The following IPO11 variants were observed in gnomAD, a reference collection of about 807,000 sequenced individuals.
The protein encoded by IPO11 is importin-11.
A neutral mutation model predicts 143.2 loss-of-function variants in IPO11; 66 were observed. The observed-to-expected ratio is 0.46, with a 90% CI of 0.38 to 0.57. The LOEUF is 0.57. Ranked by LOEUF, IPO11 falls within the 20% of genes least tolerant of loss-of-function variation. IPO11 has a pLI of 0.00. For missense variants in IPO11, 1,026 were observed against 1,141.0 expected, an observed-to-expected ratio of 0.90 and a Z score of 1.45; for synonymous variants, 385 against 377.8, an observed-to-expected ratio of 1.02 and a Z score of -0.22.
intron 27 of IPO11, chr5:62,578,691 TC>T (rs1461355286): frequency 2.1e-6 from 1 of 468,432 alleles, no homozygotes; most frequent in Non-Finnish European, 4.4e-6. Flanking sequence ...TAAAATTACT[TC>T]CTGTCTCTTA....
intron 5 of IPO11, among the ~76,000 whole-genome samples, chr5:62,455,763 T>G (rs1745123221): frequency 6.6e-6 from 1 of 151,954 alleles, no homozygotes; most frequent in African/African-American, 2.4e-5. Flanking sequence ...GAATTCTTTT[T>G]TTTTTTTGAG....
chr5:62,557,240 A>G (rs761766142), intron 26 of IPO11, among the ~76,000 whole-genome samples: 2 of 151,890 alleles, frequency 1.3e-5, no homozygotes, highest in Non-Finnish European at 2.9e-5. Flanking sequence ...CTGGAGTGCA[A>G]TGGCGCGATC....
chr5:62,587,736 CTGGTACA>C (rs140173947), intron 27 of IPO11, among the ~76,000 whole-genome samples: 2,457 of 152,236 alleles, frequency 0.016, 29 homozygotes, highest in African/African-American at 0.036. Context: ...AAGTAGTGCT[CTGGTACA>C]TGTGGCAGGC....
At chr5:62,441,496 CTTTTTTTTTTTTTTTTTTTTTTT>C (rs995019567) in intron 2 of IPO11, among the ~76,000 whole-genome samples, 6 of 47,380 alleles carry the variant, frequency 1.3e-4, no homozygotes, top group African/African-American at 5.5e-4. Context: ...TGTGCCTGGC[CTTTTTTTTTTTTTTTTTTTTTTT>C]TTTTTTTTTT....
chr5:62,602,004 C>T (rs1267902250), intron 29 of IPO11, among the ~76,000 whole-genome samples, 156 bp downstream of exon 29: 1 of 152,140 alleles, frequency 6.6e-6, no homozygotes, highest in African/African-American at 2.4e-5. Context: ...AAAACAGATA[C>T]ATTTTATTCC....
chr5:62,557,162 G>C (rs974016016), intron 26 of IPO11, among the ~76,000 whole-genome samples: 3 of 151,938 alleles, frequency 2.0e-5, no homozygotes, highest in Non-Finnish European at 4.4e-5. Context: ...CTATATCCTT[G>C]ATAACAACTC....
At chr5:62,496,794 T>C (rs1406302314) in intron 16 of IPO11, among the ~76,000 whole-genome samples, 1 of 152,198 alleles carries the variant, frequency 6.6e-6, no homozygotes, top group Admixed American at 6.5e-5. Context: ...TAAGTCAAAT[T>C]GCTACACTGA....
intron 5 of IPO11, among the ~76,000 whole-genome samples, chr5:62,459,770 C>T (rs73105939): frequency 0.017 from 2,576 of 152,162 alleles, 69 homozygotes; most frequent in African/African-American, 0.06. Context: ...AGGCTGGTCA[C>T]GAACTCCTGA....
At chr5:62,578,061 G>T (rs868463049) in intron 27 of IPO11, among the ~76,000 whole-genome samples, 2 of 152,102 alleles carry the variant, frequency 1.3e-5, no homozygotes, top group East Asian at 3.9e-4. Flanking sequence ...GATTCAAACT[G>T]ATACAGATAT....
chr5:62,484,177 T>A lies in IPO11; in HGVS notation c.1174+15T>A, dbSNP rs1746312661. 3 of 1,580,518 alleles carry A rather than the reference T, an allele frequency of 1.9e-6. No homozygotes were observed. The South Asian group carries it at 3.5e-5, about 19-fold the overall frequency. Reference sequence around the variant, plus strand: ...AGAAGGCTTTAGTAAGAATTAATTTTTTAGTGTTAGAATGACTTTTCTCCC... The same window carrying A: ...AGAAGGCTTTAGTAAGAATTAATTTATTAGTGTTAGAATGACTTTTCTCCC... On this transcript the variant is annotated intron_variant, in intron 11 of 29. Coordinates refer to ENST00000325324, the MANE Select transcript of IPO11 (RefSeq NM_016338.5).
chr5:62,505,918 C>T (rs1021066018), intron 18 of IPO11, among the ~76,000 whole-genome samples: 6 of 152,046 alleles, frequency 3.9e-5, no homozygotes, highest in African/African-American at 1.4e-4. Context: ...AGTGACAAGG[C>T]ACTGTTAACA....
chr5:62,620,074 A>T (rs1207924028), intron 29 of IPO11, among the ~76,000 whole-genome samples: 1 of 152,074 alleles, frequency 6.6e-6, no homozygotes, highest in Non-Finnish European at 1.5e-5. Context: ...ACTCTGTAAA[A>T]TATTTTAAGA....
chr5:62,611,341 C>T (rs1480288425), intron 29 of IPO11, among the ~76,000 whole-genome samples: 1 of 152,114 alleles, frequency 6.6e-6, no homozygotes, highest in Non-Finnish European at 1.5e-5. Flanking sequence ...AACCAGGCAT[C>T]CTAAGGTAGC....
intron 27 of IPO11, among the ~76,000 whole-genome samples, chr5:62,565,891 G>C (rs1312944723): frequency 1.3e-5 from 2 of 150,574 alleles, no homozygotes; most frequent in African/African-American, 4.9e-5. Flanking sequence ...TTGGTTTTCT[G>C]TTCCTGCGTT....
intron 1 of IPO11, among the ~76,000 whole-genome samples, chr5:62,415,780 T>C (rs2112086273): frequency 6.6e-6 from 1 of 152,258 alleles, no homozygotes; most frequent in South Asian, 2.1e-4. Context: ...CTCTTTACTC[T>C]TTACTGGATA....
At chr5:62,419,342 A>C (rs1427731290) in intron 1 of IPO11, among the ~76,000 whole-genome samples, 2 of 152,140 alleles carry the variant, frequency 1.3e-5, no homozygotes, top group African/African-American at 2.4e-5. Flanking sequence ...TTTATTAAGA[A>C]ATTTTTTTCT....
chr5:62,621,761 T>C lies in IPO11; in HGVS notation c.2764-5393T>C, dbSNP rs546205835. Among the ~76,000 whole-genome samples the C allele has an allele frequency of 5.3e-5, 8 of 152,296 alleles. No homozygotes were observed. The South Asian group carries it at 1.7e-3, about 32-fold the overall frequency. On this transcript the variant is annotated intron_variant, in intron 29 of 29. Coordinates refer to ENST00000325324, the MANE Select transcript of IPO11 (RefSeq NM_016338.5). ...GAAAAGCAGGCTAAATGAACGTCTT[T>C]TACAAATTTGAATCTCATTTACCCT...
intron 28 of IPO11, among the ~76,000 whole-genome samples, chr5:62,595,788 G>A (rs970315282): frequency 1.3e-5 from 2 of 151,984 alleles, no homozygotes; most frequent in Non-Finnish European, 2.9e-5. Context: ...TTTTTAGCTA[G>A]AGTTTTTATT....
At chr5:62,579,805 T>A in intron 27 of IPO11, 13 of 1,545,250 alleles carry the variant, frequency 8.4e-6, no homozygotes, top group Non-Finnish European at 1.1e-5. Context: ...CATCAAACGC[T>A]TAGATCCTGG....
Sources: allele counts gnomAD v4.1 joint callset (sites outside exome capture counted in the v4.1 genomes callset), GRCh38; gene constraint gnomAD v4.1.1; transcripts MANE v1.5; gene names NCBI Gene and HGNC (gene_info 2026-07-23, HGNC 2026-07-21).